LRP6: variants seen among roughly 807,000 people sequenced by gnomAD.
LRP6 encodes the protein low-density lipoprotein receptor-related protein 6.
LRP6 carries 43 observed loss-of-function variants against 184.1 expected under a neutral mutation model. The ratio of observed to expected loss-of-function variants is 0.23; its 90% CI spans 0.18 to 0.30. LRP6 has a LOEUF of 0.30. Ranked by LOEUF, LRP6 falls within the 10% of genes least tolerant of loss-of-function variation. LRP6 has a pLI of 1.00. For missense variants in LRP6, 1,571 were observed against 2,005.3 expected (o/e 0.78, Z 4.14); for synonymous variants, 719 against 684.9 (o/e 1.05, Z -0.78).
intron 3 of LRP6, 112 bp from the exon 4 acceptor site, chr12:12,187,231 GAGT>G: frequency 1.2e-6 from 1 of 828,246 alleles, no homozygotes; most frequent in South Asian, 1.5e-5. Context: ...TACAAATCTT[GAGT>G]AATACATACC....
intron 2 of LRP6, among the ~76,000 whole-genome samples, chr12:12,221,827 G>C (rs971126789): frequency 6.6e-6 from 1 of 152,130 alleles, no homozygotes; most frequent in Non-Finnish European, 1.5e-5. Flanking sequence ...CCTGTGTGGA[G>C]GTTACCACAT....
chr12:12,151,089 T>G, intron 12 of LRP6, 51 bp from the exon 13 acceptor site: 10 of 1,369,754 alleles, frequency 7.3e-6, no homozygotes, highest in Non-Finnish European at 9.2e-6. Context: ...CTACATCCTC[T>G]ATCATCCAAT....
chr12:12,191,576 TGAA>T (rs745781345), intron 3 of LRP6, among the ~76,000 whole-genome samples: 2 of 152,076 alleles, frequency 1.3e-5, no homozygotes, highest in South Asian at 4.2e-4. Flanking sequence ...AAGGATAAAG[TGAA>T]GAATAACATT....
chr12:12,192,418 C>T (rs1334250644), intron 3 of LRP6, among the ~76,000 whole-genome samples: 1 of 150,810 alleles, frequency 6.6e-6, no homozygotes, highest in Non-Finnish European at 1.5e-5. Flanking sequence ...CAGACATAAG[C>T]CCAACCATAT....
intron 19 of LRP6, among the ~76,000 whole-genome samples, chr12:12,127,373 A>T (rs1684364481): frequency 6.6e-6 from 1 of 152,240 alleles, no homozygotes; most frequent in Non-Finnish European, 1.5e-5. Flanking sequence ...TTTTACCTGG[A>T]ATGGTGAAGA....
intron 2 of LRP6, among the ~76,000 whole-genome samples, chr12:12,232,790 G>C (rs1428390669): frequency 6.6e-6 from 1 of 152,128 alleles, no homozygotes; most frequent in Non-Finnish European, 1.5e-5. Flanking sequence ...ATAATCAATA[G>C]ATGAGTGGTT....
intron 12 of LRP6, among the ~76,000 whole-genome samples, chr12:12,153,317 C>G (rs553873497): frequency 2.0e-5 from 3 of 152,250 alleles, no homozygotes; most frequent in East Asian, 3.9e-4. Flanking sequence ...AGCAAGACCC[C>G]CTTCTGTTTA....
intron 1 of LRP6, among the ~76,000 whole-genome samples, chr12:12,248,168 G>A (rs1296874659): frequency 6.6e-6 from 1 of 152,078 alleles, no homozygotes; most frequent in African/African-American, 2.4e-5. Context: ...AATACTTTCG[G>A]TTCAGCCTCC....
At chr12:12,182,207 G>A (rs182715108) in intron 5 of LRP6, among the ~76,000 whole-genome samples, 1 of 152,264 alleles carries the variant, frequency 6.6e-6, no homozygotes, top group East Asian at 1.9e-4. Context: ...TAAGGTTGTT[G>A]TAAGGATTAA....
intron 2 of LRP6, among the ~76,000 whole-genome samples, chr12:12,237,645 A>T (rs1864958942): frequency 6.6e-6 from 1 of 152,256 alleles, no homozygotes; most frequent in Non-Finnish European, 1.5e-5. Flanking sequence ...GCATAATACC[A>T]CTTCTGTGGT....
chr12:12,145,224 A>C (rs1949986425), intron 15 of LRP6, among the ~76,000 whole-genome samples: 1 of 152,108 alleles, frequency 6.6e-6, no homozygotes, highest in Non-Finnish European at 1.5e-5. Flanking sequence ...GAGGGAAAGA[A>C]TATACTATAC....
chr12:12,209,170 AC>A (rs1864142910), intron 2 of LRP6, among the ~76,000 whole-genome samples: 1 of 152,254 alleles, frequency 6.6e-6, no homozygotes, highest in Non-Finnish European at 1.5e-5. Context: ...CAATTTGCAC[AC>A]TATAAAGACA....
intron 9 of LRP6, among the ~76,000 whole-genome samples, chr12:12,162,895 CATCTT>C (rs1352289977): frequency 1.3e-5 from 2 of 152,150 alleles, no homozygotes; most frequent in African/African-American, 2.4e-5. Context: ...ATAATAGATA[CATCTT>C]ATCAAGTATT....
intron 17 of LRP6, among the ~76,000 whole-genome samples, chr12:12,132,337 A>G (rs924623608): frequency 1.3e-5 from 2 of 152,216 alleles, no homozygotes; most frequent in Admixed American, 6.5e-5. Flanking sequence ...AATCCGTTAC[A>G]GTCTCACACA....
intron 1 of LRP6, among the ~76,000 whole-genome samples, chr12:12,254,629 A>G (rs949796004): frequency 9.2e-5 from 14 of 152,234 alleles, no homozygotes; most frequent in Admixed American, 4.6e-4. Flanking sequence ...TTCTAGCTGG[A>G]AACATTACTT....
chr12:12,201,025 C>A (rs1863901017), intron 3 of LRP6, among the ~76,000 whole-genome samples: 1 of 152,056 alleles, frequency 6.6e-6, no homozygotes, highest in Non-Finnish European at 1.5e-5. Context: ...AATTAGTGTT[C>A]CTGAACTTTT....
At chr12:12,221,298 T>C (rs1300514784) in intron 2 of LRP6, among the ~76,000 whole-genome samples, 1 of 152,358 alleles carries the variant, frequency 6.6e-6, no homozygotes, top group East Asian at 1.9e-4. Context: ...ACAGTTTGGT[T>C]CACCCATGCC....
chr12:12,254,774 T>G (rs11054746), intron 1 of LRP6, among the ~76,000 whole-genome samples: 10,572 of 152,292 alleles, frequency 0.069, 437 homozygotes, highest in Admixed American at 0.098. Flanking sequence ...GCCTGGTAAC[T>G]GGCTTACAGA....
rs1949659097 is a variant in LRP6, at chr12:12,125,385, C to T, written c.4360G>A (p.Gly1454Arg). 3 of 1,613,894 alleles carry T rather than the reference C, an allele frequency of 1.9e-6. No homozygotes were observed. Among genetic ancestry groups the T allele is most frequent in the Middle Eastern group, 1.7e-4 (1 of 6,058 alleles). ...CGGTCATAGGGGGGTCCACTGCTTCCCCCCATGATACTGAGGGAGCTGATC... is the reference window on the plus strand; with the variant it reads ...CGGTCATAGGGGGGTCCACTGCTTCTCCCCATGATACTGAGGGAGCTGATC... Reference protein sequence around the residue: ...SMISSLSIMGGSSGPPYDRAH... With the variant: ...SMISSLSIMGRSSGPPYDRAH... Residue 1454 changes from glycine (G) to arginine (R), a missense_variant, in exon 21 of 23, where the codon GGA becomes AGA. By Grantham distance (125) the Gly-to-Arg change is moderately radical (BLOSUM62 -2). This residue lies in a region of LRP6 where 763 missense variants were observed against 859.5 expected (regional missense o/e 0.89). Coordinates refer to ENST00000261349, the MANE Select transcript of LRP6 (RefSeq NM_002336.3).
Sources: gnomAD v4.1 joint callset for allele counts (sites outside exome capture counted in the v4.1 genomes callset) on GRCh38, gnomAD v4.1.1 for gene constraint, gnomAD v4.1.1 regional missense constraint, MANE v1.5 for transcripts, NCBI Gene and HGNC (gene_info 2026-07-23, HGNC 2026-07-21) for gene names.